FBXO11: variants seen among roughly 807,000 people sequenced by gnomAD.
The protein encoded by FBXO11 is F-box only protein 11.
Under a neutral mutation model 117.0 loss-of-function variants are expected in FBXO11, and 13 were observed. The ratio of observed to expected loss-of-function variants is 0.11; its 90% CI spans 0.07 to 0.18. The LOEUF (loss-of-function observed/expected upper bound fraction) is 0.18. Among genes scored for constraint, FBXO11 ranks in the 10% least tolerant of loss-of-function variants. The pLI, the probability that FBXO11 is intolerant of heterozygous loss-of-function variation, is 1.00. For missense variants in FBXO11, 767 were observed against 1,164.4 expected (o/e 0.66, Z 4.97); for synonymous variants, 490 against 380.5 (o/e 1.29, Z -3.35).
chr2:47,848,558 A>T (rs1433035944), intron 1 of FBXO11, among the ~76,000 whole-genome samples: 1 of 152,212 alleles, frequency 6.6e-6, no homozygotes, highest in Non-Finnish European at 1.5e-5. Context: ...GTTAATACGC[A>T]ATTTAAAAGT....
At chr2:47,813,932 G>T in intron 16 of FBXO11, 65 bp from the exon 17 acceptor site, 3 of 1,214,742 alleles carry the variant, frequency 2.5e-6, no homozygotes, top group Non-Finnish European at 3.6e-6. Flanking sequence ...CATGTTACGT[G>T]AGGTAAACAG....
chr2:47,890,483 T>C (rs1284124145), intron 1 of FBXO11, among the ~76,000 whole-genome samples: 2 of 152,036 alleles, frequency 1.3e-5, no homozygotes, highest in Non-Finnish European at 2.9e-5. Context: ...ATCAATCAAG[T>C]AGTATGAGTT....
intron 1 of FBXO11, among the ~76,000 whole-genome samples, chr2:47,891,586 G>C (rs903441123): frequency 5.3e-5 from 8 of 152,210 alleles, no homozygotes; most frequent in Non-Finnish European, 1.2e-4. Context: ...AAACATGGGA[G>C]TGCTAGTATT....
intron 11 of FBXO11, among the ~76,000 whole-genome samples, chr2:47,828,748 G>A (rs966263334): frequency 9.2e-5 from 14 of 152,100 alleles, no homozygotes; most frequent in African/African-American, 3.4e-4. Flanking sequence ...ACCAAATACT[G>A]TGAAATCTGG....
chr2:47,886,092 GCAAATATCCCT>G (rs1214545417), intron 1 of FBXO11, among the ~76,000 whole-genome samples: 1 of 151,788 alleles, frequency 6.6e-6, no homozygotes, highest in Non-Finnish European at 1.5e-5. Flanking sequence ...ACTTTAAAAT[GCAAATATCCCT>G]CCGAATCATC....
At chr2:47,863,816 C>T (rs1391036014) in intron 1 of FBXO11, among the ~76,000 whole-genome samples, 1 of 151,992 alleles carries the variant, frequency 6.6e-6, no homozygotes, top group Admixed American at 6.6e-5. Context: ...TGGCACATGC[C>T]TGTAATCCCA....
At chr2:47,873,777 A>G (rs1447051509) in intron 1 of FBXO11, among the ~76,000 whole-genome samples, 2 of 152,324 alleles carry the variant, frequency 1.3e-5, no homozygotes, top group East Asian at 3.9e-4. Flanking sequence ...GCCTTTTAAA[A>G]ATTATGTTAC....
At chr2:47,895,074 A>C (rs150483579) in intron 1 of FBXO11, among the ~76,000 whole-genome samples, 48 of 152,320 alleles carry the variant, frequency 3.2e-4, no homozygotes, top group African/African-American at 1.0e-3. Context: ...TTGCAAAGTA[A>C]ATGGAAATTT....
intron 11 of FBXO11, among the ~76,000 whole-genome samples, chr2:47,831,500 G>A (rs1247541694): frequency 1.3e-5 from 2 of 149,084 alleles, no homozygotes. Context: ...AACATTCCCA[G>A]GATTGCTTAA....
At chr2:47,844,482 G>A (rs1312081233) in intron 1 of FBXO11, among the ~76,000 whole-genome samples, 1 of 152,038 alleles carries the variant, frequency 6.6e-6, no homozygotes, top group African/African-American at 2.4e-5. Flanking sequence ...AGACCCCTTA[G>A]AACATATGCA....
intron 16 of FBXO11, among the ~76,000 whole-genome samples, chr2:47,816,927 A>T (rs908429024): frequency 6.6e-6 from 1 of 152,188 alleles, no homozygotes; most frequent in African/African-American, 2.4e-5. Flanking sequence ...ATGGTAAATG[A>T]GCACTGCCTG....
intron 1 of FBXO11, among the ~76,000 whole-genome samples, chr2:47,867,938 C>T (rs1675318528): frequency 6.6e-6 from 1 of 152,000 alleles, no homozygotes; most frequent in Admixed American, 6.6e-5. Flanking sequence ...TTTTTTAAGT[C>T]TCTGAATATG....
At chr2:47,833,438 G>C (rs568995194) in intron 7 of FBXO11, among the ~76,000 whole-genome samples, 5 of 152,190 alleles carry the variant, frequency 3.3e-5, no homozygotes, top group African/African-American at 1.2e-4. Context: ...CAGTGGCCTC[G>C]ATTTAGAAAG....
In FBXO11 at chr2:47,807,830, C is replaced by A; in HGVS notation, c.*288G>T. ...CATTCAATGCTAGTTGTAAAAACAC[C>A]AGCTTTTCAGAAGTTGGTATCTGTA... On this transcript the variant is annotated 3_prime_UTR_variant, in exon 23 of 23. Transcript: ENST00000403359. 3.4e-6 allele frequency: 1 copy of A among 296,762 alleles called. No individual in the cohort carries two copies. Among genetic ancestry groups the A allele is most frequent in the Non-Finnish European group, 6.3e-6 (1 of 157,850 alleles). 18.4% of individuals were successfully genotyped at this position (296,762 alleles called of 1,614,324 possible). A position where few individuals can be genotyped will look rare whatever the true frequency, so the allele number is the denominator to read the frequency against.
At chr2:47,814,163 G>A (rs1174358233) in intron 16 of FBXO11, 1 of 282,628 alleles carries the variant, frequency 3.5e-6, no homozygotes, top group Non-Finnish European at 6.8e-6. Flanking sequence ...TGAATTACAG[G>A]CATGCCTTGG....
chr2:47,859,821 G>A (rs922140851), intron 1 of FBXO11, among the ~76,000 whole-genome samples: 3 of 152,088 alleles, frequency 2.0e-5, no homozygotes, highest in Admixed American at 1.3e-4. Context: ...TAATCATTAG[G>A]ATCATGAAAT....
intron 11 of FBXO11, among the ~76,000 whole-genome samples, chr2:47,828,772 G>T (rs1337325339): frequency 6.6e-6 from 1 of 152,144 alleles, no homozygotes; most frequent in East Asian, 1.9e-4. Flanking sequence ...AGAAAGAGGA[G>T]GGTGCTGGGA....
intron 5 of FBXO11, among the ~76,000 whole-genome samples, chr2:47,835,172 G>C (rs1465470690): frequency 6.6e-6 from 1 of 152,066 alleles, no homozygotes; most frequent in Admixed American, 6.6e-5. Flanking sequence ...GCCTCACCCA[G>C]CCAAATAGCA....
chr2:47,826,224 AT>A (rs1671746599), intron 11 of FBXO11, among the ~76,000 whole-genome samples: 1 of 151,646 alleles, frequency 6.6e-6, no homozygotes, highest in African/African-American at 2.4e-5. Context: ...TGCCCAGCTA[AT>A]TTTTTGTATT....
Sources: gnomAD v4.1 joint callset for allele counts (sites outside exome capture counted in the v4.1 genomes callset) on GRCh38, gnomAD v4.1.1 for gene constraint, MANE v1.5 for transcripts, NCBI Gene and HGNC (gene_info 2026-07-23, HGNC 2026-07-21) for gene names.